The following NT5C2 variants were observed in gnomAD, a reference collection of about 807,000 sequenced individuals.
NT5C2 encodes the protein 5'-nucleotidase, cytosolic II, also known as cytosolic purine 5'-nucleotidase.
In NT5C2, 58 loss-of-function variants were observed where a neutral mutation model predicts 76.1. That is an observed-to-expected ratio of 0.76 (90% CI 0.62 to 0.95). The LOEUF is 0.95. Among genes scored for constraint, NT5C2 ranks in the 40% least tolerant of loss-of-function variants. The pLI, the probability that NT5C2 is intolerant of heterozygous loss-of-function variation, is 0.00. For missense variants in NT5C2, 478 were observed against 690.3 expected (o/e 0.69, Z 3.45); for synonymous variants, 229 against 237.4 (o/e 0.96, Z 0.32).
At chr10:103,137,048 C>G (rs958453713) in intron 4 of NT5C2, among the ~76,000 whole-genome samples, 2 of 152,180 alleles carry the variant, frequency 1.3e-5, no homozygotes, top group African/African-American at 4.8e-5. Context: ...TAAATACTTA[C>G]TAAATTGAAC....
At chr10:103,151,930 C>T (rs566670402) in intron 3 of NT5C2, among the ~76,000 whole-genome samples, 23 of 151,978 alleles carry the variant, frequency 1.5e-4, no homozygotes, top group African/African-American at 5.3e-4. Flanking sequence ...TAGAGATAAA[C>T]CTAAAAAAAA....
intron 3 of NT5C2, among the ~76,000 whole-genome samples, chr10:103,142,225 G>C (rs1307337080): frequency 6.6e-6 from 1 of 152,126 alleles, no homozygotes; most frequent in African/African-American, 2.4e-5. Flanking sequence ...AGCCACATTA[G>C]GGAATTTGGA....
At chr10:103,101,512 TA>T (rs1478942858) in intron 6 of NT5C2, among the ~76,000 whole-genome samples, 186 bp from the exon 7 acceptor site, 1 of 134,728 alleles carries the variant, frequency 7.4e-6, no homozygotes, top group East Asian at 2.5e-4. Context: ...TTTTTAATTT[TA>T]ATTTTTTTTT....
Position 103,106,632 on chromosome 10 carries a change from G to A in NT5C2, c.250C>T (p.Gln84Ter). ...TCATAAGCAAAGCTGAGCAACTCCT[G>A]GGGATAGCCAATAGAAACTAATCTC... is the stretch of plus-strand genomic sequence containing the variant. ...VERLVSIGYP[Q>*]ELLSFAYDST... is the part of the protein sequence containing the mutation. The change falls in exon 5 of 19, where the codon CAG becomes TAG. Residue 84 changes from glutamine (Q) to a stop codon, truncating the protein, a stop_gained. Coordinates refer to ENST00000404739, the MANE Select transcript of NT5C2 (RefSeq NM_001351169.2). LOFTEE classifies it high-confidence loss of function. 1 of 1,613,682 alleles carries A rather than the reference G, an allele frequency of 6.2e-7. No homozygotes were observed. Among genetic ancestry groups the A allele is most frequent in the Non-Finnish European group, 8.5e-7 (1 of 1,179,666 alleles).
At chr10:103,109,092 C>T (rs2072233033) in intron 4 of NT5C2, among the ~76,000 whole-genome samples, 1 of 152,084 alleles carries the variant, frequency 6.6e-6, no homozygotes, top group Admixed American at 6.5e-5. Flanking sequence ...TCAAGTGATC[C>T]GCCTGCCTCG....
intron 3 of NT5C2, among the ~76,000 whole-genome samples, chr10:103,147,535 A>G (rs1007619003): frequency 6.6e-6 from 1 of 152,228 alleles, no homozygotes; most frequent in Non-Finnish European, 1.5e-5. Flanking sequence ...CTACTTAATG[A>G]AAGAAACTGC....
At chr10:103,156,787 G>T (rs1375576910) in intron 3 of NT5C2, among the ~76,000 whole-genome samples, 1 of 151,518 alleles carries the variant, frequency 6.6e-6, no homozygotes, top group Non-Finnish European at 1.5e-5. Context: ...GCCAGGTACA[G>T]TGGCTCACGC....
chr10:103,093,971 C>T lies in NT5C2; in HGVS notation c.988+1G>A. 1 of 1,611,310 alleles carries T rather than the reference C, an allele frequency of 6.2e-7. No individual in the cohort carries two copies. The highest frequency in any genetic ancestry group is 8.5e-7 in the Non-Finnish European group (1 of 1,177,458). Reference sequence around the variant, plus strand: ...TAAATAAAGGGAAGTCTGTGACTTACCTCCTGAGTAGACGATACCATGCTG... The same window carrying T: ...TAAATAAAGGGAAGTCTGTGACTTATCTCCTGAGTAGACGATACCATGCTG... On this transcript the variant is annotated splice_donor_variant, in intron 14 of 18. Coordinates refer to ENST00000404739, the MANE Select transcript of NT5C2 (RefSeq NM_001351169.2). LOFTEE classifies it high-confidence loss of function.
intron 3 of NT5C2, among the ~76,000 whole-genome samples, chr10:103,170,251 C>G (rs984642895): frequency 6.6e-6 from 1 of 152,086 alleles, no homozygotes; most frequent in Admixed American, 6.6e-5. Flanking sequence ...TTGAGGTTAC[C>G]GTGAACTATG....
chr10:103,144,043 GA>G (rs2089464811), intron 3 of NT5C2, among the ~76,000 whole-genome samples: 1 of 152,138 alleles, frequency 6.6e-6, no homozygotes, highest in Admixed American at 6.5e-5. Context: ...TGTTATTACT[GA>G]TAAAAGCATC....
intron 4 of NT5C2, among the ~76,000 whole-genome samples, chr10:103,115,294 C>G (rs893751142): frequency 1.3e-5 from 2 of 152,080 alleles, no homozygotes; most frequent in Non-Finnish European, 2.9e-5. Context: ...CCCAGCTACT[C>G]AGGAGGCTGA....
rs986535838 is a variant in NT5C2 at position 103,097,524 on chromosome 10, A to G, written c.688-150T>C. ...CAGAATTTTGCACTTAAAAGCCCAC[A>G]TTATCACTATAAATGAATAAAGTAT... On this transcript the variant is annotated intron_variant, in intron 10 of 18. Transcript: ENST00000404739. 4 of 634,910 alleles carry G rather than the reference A, an allele frequency of 6.3e-6. No individual in the cohort carries two copies. In the African/African-American group the frequency reaches 7.4e-5, roughly 12 times the overall value. The allele number at this position is 634,910 out of a possible 1,614,324, so 39.3% of individuals were successfully genotyped here. A position where few individuals can be genotyped will look rare whatever the true frequency, so the allele number is the denominator to read the frequency against.
chr10:103,126,843 G>C (rs992164953), intron 4 of NT5C2, among the ~76,000 whole-genome samples: 2 of 152,142 alleles, frequency 1.3e-5, no homozygotes, highest in African/African-American at 4.8e-5. Context: ...ACAAGGTCTT[G>C]ATGTATCACC....
intron 1 of NT5C2, among the ~76,000 whole-genome samples, chr10:103,187,905 T>A (rs1340299462): frequency 6.6e-6 from 1 of 152,216 alleles, no homozygotes; most frequent in Non-Finnish European, 1.5e-5. Flanking sequence ...ATATTTACAC[T>A]AAAATGAATT....
At chr10:103,169,236 A>T (rs2087190154) in intron 3 of NT5C2, 1 of 152,192 alleles carries the variant, frequency 6.6e-6, no homozygotes, top group African/African-American at 2.4e-5. Context: ...AAATACATAC[A>T]ATTTTTGTCA....
chr10:103,131,458 G>C (rs111756708), intron 4 of NT5C2, among the ~76,000 whole-genome samples: 1 of 152,152 alleles, frequency 6.6e-6, no homozygotes, highest in African/African-American at 2.4e-5. Context: ...TTATAAAGGC[G>C]GAGCACTTGT....
chr10:103,176,798 C>G (rs1036084981), intron 2 of NT5C2, among the ~76,000 whole-genome samples: 2 of 152,136 alleles, frequency 1.3e-5, no homozygotes, highest in African/African-American at 4.8e-5. Flanking sequence ...GGGAGCCACC[C>G]GCCGGCCTCC....
At chr10:103,108,409 C>G (rs764922561) in intron 4 of NT5C2, among the ~76,000 whole-genome samples, 1 of 152,102 alleles carries the variant, frequency 6.6e-6, no homozygotes, top group Non-Finnish European at 1.5e-5. Flanking sequence ...TAGCTTTTGG[C>G]GCAAACTGAT....
intron 3 of NT5C2, among the ~76,000 whole-genome samples, chr10:103,165,038 AG>A (rs2086016537): frequency 1.3e-5 from 2 of 152,248 alleles, no homozygotes; most frequent in African/African-American, 4.8e-5. Context: ...TCTTGTATCT[AG>A]AACAGATAAG....
Sources: allele counts gnomAD v4.1 joint callset (sites outside exome capture counted in the v4.1 genomes callset), GRCh38; gene constraint gnomAD v4.1.1; transcripts MANE v1.5; gene names NCBI Gene and HGNC (gene_info 2026-07-23, HGNC 2026-07-21).